RAE1: variants seen among roughly 807,000 people sequenced by gnomAD.
The protein encoded by RAE1 is mRNA export factor RAE1.
In RAE1, 13 loss-of-function variants were observed where a neutral mutation model predicts 52.7. The ratio of observed to expected loss-of-function variants is 0.25; its 90% CI spans 0.16 to 0.39. RAE1 has a LOEUF of 0.39. Ranked by LOEUF, RAE1 falls within the 10% of genes least tolerant of loss-of-function variation. RAE1 has a pLI of 1.00. For missense variants in RAE1, 262 were observed against 459.8 expected, an observed-to-expected ratio of 0.57 and a Z score of 3.93; for synonymous variants, 164 against 153.1, an observed-to-expected ratio of 1.07 and a Z score of -0.52.
intron 4 of RAE1, chr20:57,358,759 C>A (rs536798286): frequency 4.6e-5 from 18 of 387,566 alleles, no homozygotes; most frequent in African/African-American, 3.5e-4. Context: ...GGGTAACTTA[C>A]TCCGTTTATC....
Position 57,374,715 on chromosome 20 carries a change from G to C in RAE1, c.934G>C (p.Glu312Gln). 1 of 1,614,174 alleles carries C rather than the reference G, an allele frequency of 6.2e-7. No individual in the cohort carries two copies. Among genetic ancestry groups the C allele is most frequent in the Non-Finnish European group, 8.5e-7 (1 of 1,180,032 alleles). Residue 312 changes from glutamate to glutamine, a missense_variant, in exon 11 of 12, where the codon GAA becomes CAA. Coordinates refer to ENST00000395841, the MANE Select transcript of RAE1 (RefSeq NM_003610.4). ...TGCCAGAACAAAACTAAAAACTTCG[G>C]AACAGTTAGATCAGCCCATCTCAGC... is the stretch of plus-strand genomic sequence containing the variant. Reference protein sequence around the residue: ...KDARTKLKTSEQLDQPISACC... With the variant: ...KDARTKLKTSQQLDQPISACC...
chr20:57,363,255 G>C (rs949379256), intron 4 of RAE1, among the ~76,000 whole-genome samples: 1 of 152,090 alleles, frequency 6.6e-6, no homozygotes, highest in East Asian at 1.9e-4. Flanking sequence ...AGGTAGGCTG[G>C]GTGCAGTGGC....
chr20:57,359,796 T>C (rs1568782589), intron 4 of RAE1: 1 of 152,250 alleles, frequency 6.6e-6, no homozygotes, highest in Non-Finnish European at 1.5e-5. Context: ...TAATGCATTA[T>C]GCAGAAGGTA....
chr20:57,373,786 C>G, intron 10 of RAE1, 48 bp downstream of exon 10: 1 of 1,557,856 alleles, frequency 6.4e-7, no homozygotes, highest in South Asian at 1.1e-5. Flanking sequence ...GGAAACCAGA[C>G]TTGGAGGTGG....
At chr20:57,365,860 G>T (rs1379721991) in intron 5 of RAE1, among the ~76,000 whole-genome samples, 1 of 152,188 alleles carries the variant, frequency 6.6e-6, no homozygotes, top group Admixed American at 6.5e-5. Flanking sequence ...CGAGTAAGAG[G>T]GGCATTTCCC....
chr20:57,376,240 TTC>T (rs1430424210), intron 11 of RAE1, among the ~76,000 whole-genome samples: 2 of 152,250 alleles, frequency 1.3e-5, no homozygotes, highest in Non-Finnish European at 2.9e-5. Context: ...TGAAGCTGTG[TTC>T]TTTTTTTAAA....
chr20:57,358,914 T>C (rs368736392), intron 4 of RAE1: 1 of 1,354,596 alleles, frequency 7.4e-7, no homozygotes, highest in Non-Finnish European at 9.6e-7. Context: ...GTTGGAGTTT[T>C]TATTTGCATT....
At chr20:57,353,670 A>G (rs551432875) in intron 1 of RAE1, among the ~76,000 whole-genome samples, 1 of 152,366 alleles carries the variant, frequency 6.6e-6, no homozygotes, top group East Asian at 1.9e-4. Context: ...TGCGCAGCTC[A>G]GGGTCTCTAT....
At chr20:57,356,883 C>T (rs990888577) in intron 4 of RAE1, among the ~76,000 whole-genome samples, 6 of 152,326 alleles carry the variant, frequency 3.9e-5, no homozygotes, top group Admixed American at 2.0e-4. Context: ...GAGGGGCTTC[C>T]ACCTGGCGCG....
intron 11 of RAE1, among the ~76,000 whole-genome samples, chr20:57,377,623 C>T (rs1048466350): frequency 6.6e-6 from 1 of 152,206 alleles, no homozygotes; most frequent in Non-Finnish European, 1.5e-5. Context: ...CTCCTTCATC[C>T]CCATGATACC....
At chr20:57,374,549 T>TGGAA in intron 10 of RAE1, 58 bp from the exon 11 acceptor site, 1 of 1,493,878 alleles carries the variant, frequency 6.7e-7, no homozygotes, top group Non-Finnish European at 9.1e-7. Context: ...TGTGCGTGGG[T>TGGAA]GGAACCTTCT....
At chr20:57,370,842 A>G (rs2067025837) in intron 8 of RAE1, among the ~76,000 whole-genome samples, 2 of 152,236 alleles carry the variant, frequency 1.3e-5, no homozygotes, top group Admixed American at 6.5e-5. Flanking sequence ...CCTTAAGTGT[A>G]AAAGGTGCTC....
At chr20:57,377,789 C>G (rs768857936) in intron 11 of RAE1, among the ~76,000 whole-genome samples, 1 of 152,192 alleles carries the variant, frequency 6.6e-6, no homozygotes, top group Non-Finnish European at 1.5e-5. Flanking sequence ...CTCACAGACT[C>G]TCTCAGTAGG....
chr20:57,377,215 A>T (rs1242276464), intron 11 of RAE1, among the ~76,000 whole-genome samples: 1 of 152,222 alleles, frequency 6.6e-6, no homozygotes, highest in East Asian at 1.9e-4. Context: ...ATCAGAGTAC[A>T]GGTGACAGAG....
At chr20:57,356,891 G>A (rs375044434) in intron 4 of RAE1, among the ~76,000 whole-genome samples, 2 of 152,174 alleles carry the variant, frequency 1.3e-5, no homozygotes, top group Non-Finnish European at 2.9e-5. Context: ...TCCACCTGGC[G>A]CGGGAGAGCC....
chr20:57,354,186 C>A, intron 2 of RAE1, 58 bp downstream of exon 2: 1 of 1,473,960 alleles, frequency 6.8e-7, no homozygotes, highest in Non-Finnish European at 9.4e-7. Context: ...TTTCTCCCAT[C>A]AAGGACAGAA....
chr20:57,356,420 T>C lies in RAE1; in HGVS notation c.196-26T>C, dbSNP rs759584844. The C allele has an allele frequency of 4.1e-5, 64 of 1,579,394 alleles. 2 individuals are homozygous for C. In the Admixed American group the frequency reaches 1.0e-3, roughly 25 times the overall value. ...AGCAATACATCGTAATTGCTTTGTTTGCATTGAATTTTTTTGTTACTACAG... is the reference window on the plus strand; with the variant it reads ...AGCAATACATCGTAATTGCTTTGTTCGCATTGAATTTTTTTGTTACTACAG... On this transcript the variant is annotated intron_variant, in intron 3 of 11. Transcript: ENST00000395841.
At chr20:57,351,734 C>T (rs775830246) in intron 1 of RAE1, 20 of 985,408 alleles carry the variant, frequency 2.0e-5, no homozygotes, top group Non-Finnish European at 1.2e-5. Context: ...CATGTCAGCT[C>T]CTGGGAGAAG....
intron 3 of RAE1, 78 bp from the exon 4 acceptor site, chr20:57,356,368 C>T (rs1244802219): frequency 3.7e-6 from 4 of 1,094,136 alleles, no homozygotes; most frequent in East Asian, 2.6e-5. Flanking sequence ...TAAGGTGTAC[C>T]CCATTAGTTT....
Sources: gnomAD v4.1 joint callset for allele counts (sites outside exome capture counted in the v4.1 genomes callset) on GRCh38, gnomAD v4.1.1 for gene constraint, MANE v1.5 for transcripts, NCBI Gene and HGNC (gene_info 2026-07-23, HGNC 2026-07-21) for gene names.